Variants in SLC1A1 observed in about 807,000 individuals in gnomAD.
The protein encoded by SLC1A1 is excitatory amino acid transporter 3.
Under a neutral mutation model 53.3 loss-of-function variants are expected in SLC1A1, and 43 were observed. The observed-to-expected ratio is 0.81, with a 90% confidence interval of 0.63 to 1.04. The LOEUF (loss-of-function observed/expected upper bound fraction) is 1.04. Ranked by LOEUF, SLC1A1 falls within the 50% of genes least tolerant of loss-of-function variation. The probability of loss-of-function intolerance (pLI) is 0.00; values close to 1 mark genes in which losing one functional copy is unlikely to be tolerated. For synonymous variants in SLC1A1, 307 were observed against 243.2 expected, an observed-to-expected ratio of 1.26 and a Z score of -2.44; for missense variants, 748 against 664.9, an observed-to-expected ratio of 1.12 and a Z score of -1.37.
intron 1 of SLC1A1, among the ~76,000 whole-genome samples, chr9:4,502,389 GAAAAAAAAA>G (rs775499017): frequency 5.3e-5 from 3 of 56,494 alleles, no homozygotes; most frequent in Non-Finnish European, 8.8e-5. Flanking sequence ...CCTGTCTCCA[GAAAAAAAAA>G]AAAAAAAAAA....
intron 1 of SLC1A1, among the ~76,000 whole-genome samples, chr9:4,527,206 G>A (rs1333180593): frequency 6.6e-6 from 1 of 152,128 alleles, no homozygotes; most frequent in East Asian, 1.9e-4. Context: ...ACAGCATCAT[G>A]AGCCTGGAAG....
chr9:4,527,928 C>T (rs73641466), intron 1 of SLC1A1, among the ~76,000 whole-genome samples: 13,531 of 152,084 alleles, frequency 0.089, 760 homozygotes, highest in African/African-American at 0.16. Flanking sequence ...TCAGAAGACT[C>T]CCTTATTGGG....
chr9:4,534,755 G>A (rs1323998095), intron 1 of SLC1A1, among the ~76,000 whole-genome samples: 1 of 151,954 alleles, frequency 6.6e-6, no homozygotes, highest in Non-Finnish European at 1.5e-5. Flanking sequence ...ACACAACAAA[G>A]AAAGAGAATT....
intron 5 of SLC1A1, among the ~76,000 whole-genome samples, chr9:4,567,280 C>G (rs1464770935): frequency 6.6e-6 from 1 of 152,152 alleles, no homozygotes; most frequent in Non-Finnish European, 1.5e-5. Context: ...TGTGTTTGCT[C>G]AGATTAAAAA....
intron 2 of SLC1A1, among the ~76,000 whole-genome samples, chr9:4,545,357 T>A (rs1268688033): frequency 6.6e-6 from 1 of 152,190 alleles, no homozygotes; most frequent in East Asian, 1.9e-4. Flanking sequence ...CAGCATGTGA[T>A]GTCTTGGGAG....
chr9:4,507,100 G>C (rs564808029), intron 1 of SLC1A1, among the ~76,000 whole-genome samples: 2 of 152,266 alleles, frequency 1.3e-5, no homozygotes, highest in Non-Finnish European at 2.9e-5. Context: ...TGAGCGTGGT[G>C]GTGGGCACCT....
At chr9:4,546,446 T>C (rs1030792457) in intron 2 of SLC1A1, among the ~76,000 whole-genome samples, 1 of 151,832 alleles carries the variant, frequency 6.6e-6, no homozygotes, top group African/African-American at 2.4e-5. Context: ...AAAATGAAGA[T>C]CTGGGAACAC....
At chr9:4,512,104 T>A (rs1218493586) in intron 1 of SLC1A1, among the ~76,000 whole-genome samples, 2 of 152,218 alleles carry the variant, frequency 1.3e-5, no homozygotes, top group Non-Finnish European at 2.9e-5. Context: ...ATGGATTGGA[T>A]GACTCAACAT....
rs911923953 is a variant in SLC1A1 at position 4,567,863 on chromosome 9, G to T, written c.582+96G>T. 3.5e-6 allele frequency: 3 copies of T among 857,976 alleles called. No homozygotes were observed. The East Asian group carries it at 7.7e-5, about 22-fold the overall frequency. 53.1% of individuals were successfully genotyped at this position (857,976 alleles called of 1,614,324 possible). A position where few individuals can be genotyped will look rare whatever the true frequency, so the allele number is the denominator to read the frequency against. On this transcript the variant is annotated intron_variant, in intron 6 of 11. Coordinates refer to ENST00000262352, the MANE Select transcript of SLC1A1 (RefSeq NM_004170.6). ...ATCAATCCTCGTCATTCACAGAATC[G>T]CATTTGCAAATTCACCTACTTGCTA...
At chr9:4,564,226 G>T (rs918774074) in intron 3 of SLC1A1, 118 bp from the exon 4 acceptor site, 3 of 748,404 alleles carry the variant, frequency 4.0e-6, no homozygotes, top group Non-Finnish European at 4.8e-6. Context: ...CTGGACCTCA[G>T]GGTCCTCCCC....
At chr9:4,565,518 G>A (rs371916427) in intron 4 of SLC1A1, among the ~76,000 whole-genome samples, 2 of 152,170 alleles carry the variant, frequency 1.3e-5, no homozygotes, top group East Asian at 3.8e-4. Context: ...AGGAGAGAGA[G>A]CAAGGGCGAA....
rs150172044 is a variant in SLC1A1, at chr9:4,545,111, C to G, written c.232+404C>G. Among the ~76,000 whole-genome samples the G allele has an allele frequency of 3.8e-4, 57 of 151,732 alleles. No homozygotes were observed. The East Asian group carries it at 0.011, about 29-fold the overall frequency. On this transcript the variant is annotated intron_variant, in intron 2 of 11. Transcript: ENST00000262352. ...GTGGGAACACAAAGCCTAACCATGT[C>G]ATTCTCTATGATTATTTAAAAAGCT...
chr9:4,524,707 T>A (rs1215156941), intron 1 of SLC1A1, among the ~76,000 whole-genome samples: 1 of 152,156 alleles, frequency 6.6e-6, no homozygotes, highest in Non-Finnish European at 1.5e-5. Flanking sequence ...TGTATATAAT[T>A]TAATTTTAAT....
At position 4,526,765 on chromosome 9, in the gene SLC1A1, CA is replaced by C. The variant is rs1816275968; in HGVS notation, c.92-17801del. On this transcript the variant is annotated intron_variant, in intron 1 of 11. Transcript: ENST00000262352. Reference sequence around the variant, plus strand: ...GCCAGTGTTGCATGAGGTTTTTACTCATGTGGTTTGGTTGTAGTAAGGGATC... The same window carrying C: ...GCCAGTGTTGCATGAGGTTTTTACTCTGTGGTTTGGTTGTAGTAAGGGATC... Among the ~76,000 whole-genome samples, 3 of 151,922 alleles carry C rather than the reference CA, an allele frequency of 2.0e-5. No homozygotes were observed. The South Asian group carries it at 6.3e-4, about 32-fold the overall frequency.
In SLC1A1 at chr9:4,556,170, T is replaced by A. The variant is rs1394983358; in HGVS notation, c.233-5279T>A. ...CACCCAGCAAATTTGTGTGTGTGTG[T>A]GGTTTTGTTTTTGTTTTTTTGTTTT... On this transcript the variant is annotated intron_variant, in intron 2 of 11. Transcript: ENST00000262352. This position sits in a 1 kb window ranked among gnomAD's most constrained non-coding sequence, Gnocchi z 4.1. 6.6e-6 allele frequency among the ~76,000 whole-genome samples: 1 copy of A among 151,744 alleles called. No homozygotes were observed. Among genetic ancestry groups the A allele is most frequent in the East Asian group, 1.9e-4 (1 of 5,156 alleles).
At chr9:4,525,530 T>G (rs779254168) in intron 1 of SLC1A1, among the ~76,000 whole-genome samples, 4 of 152,000 alleles carry the variant, frequency 2.6e-5, no homozygotes, top group Admixed American at 2.6e-4. Flanking sequence ...AGTAGGAGAA[T>G]AGGTATCCCC....
intron 1 of SLC1A1, among the ~76,000 whole-genome samples, chr9:4,512,867 A>T (rs1306566922): frequency 1.3e-5 from 2 of 152,064 alleles, no homozygotes. Context: ...TGGGCTCAAG[A>T]AGTCCTCCTG....
At chr9:4,504,585 T>G (rs993971633) in intron 1 of SLC1A1, among the ~76,000 whole-genome samples, 6 of 152,234 alleles carry the variant, frequency 3.9e-5, no homozygotes, top group African/African-American at 1.4e-4. Flanking sequence ...TTCTTGCATG[T>G]GGAGAATTTC....
chr9:4,555,518 C>T (rs1388675739), intron 2 of SLC1A1, among the ~76,000 whole-genome samples: 1 of 152,114 alleles, frequency 6.6e-6, no homozygotes, highest in Admixed American at 6.5e-5. Context: ...TGGCTGGGAG[C>T]CAACACCCTT....
Sources: gnomAD v4.1 joint callset for allele counts (sites outside exome capture counted in the v4.1 genomes callset) on GRCh38, gnomAD v4.1.1 for gene constraint, Gnocchi (gnomAD v3.1) non-coding constraint, MANE v1.5 for transcripts, NCBI Gene and HGNC (gene_info 2026-07-23, HGNC 2026-07-21) for gene names.